The following TCF4 variants were observed in gnomAD, a reference collection of about 807,000 sequenced individuals.
TCF4 encodes transcription factor 4.
A neutral mutation model predicts 82.1 loss-of-function variants in TCF4; 3 were observed. The ratio of observed to expected loss-of-function variants is 0.04; its 90% CI spans 0.02 to 0.09. The LOEUF (loss-of-function observed/expected upper bound fraction) is 0.09, where lower values mean the gene tolerates loss of function less well. TCF4 is among the 10% of genes least tolerant of loss of function. TCF4 has a pLI of 1.00. For missense variants in TCF4, 518 were observed against 852.7 expected (o/e 0.61, Z 4.89); for synonymous variants, 276 against 309.6 (o/e 0.89, Z 1.14).
chr18:55,311,076 T>C (rs2072233971), intron 8 of TCF4, among the ~76,000 whole-genome samples: 1 of 150,856 alleles, frequency 6.6e-6, no homozygotes, highest in Admixed American at 6.6e-5. Context: ...TGGTAAAACG[T>C]AGAAATACCT....
chr18:55,629,639 T>C (rs1460912770), intron 2 of TCF4, among the ~76,000 whole-genome samples: 9 of 152,110 alleles, frequency 5.9e-5, no homozygotes, highest in South Asian at 2.1e-4. Flanking sequence ...ATTCTAACAG[T>C]TGGACAAGGT....
intron 7 of TCF4, among the ~76,000 whole-genome samples, 173 bp from the exon 8 acceptor site, chr18:55,350,581 A>G (rs2082126013): frequency 6.6e-6 from 1 of 152,176 alleles, no homozygotes; most frequent in Non-Finnish European, 1.5e-5. Flanking sequence ...TGCTTTGTTC[A>G]TAAAAATGAA....
intron 2 of TCF4, among the ~76,000 whole-genome samples, chr18:55,625,854 G>C (rs898313511): frequency 2.0e-5 from 3 of 151,860 alleles, no homozygotes; most frequent in Non-Finnish European, 4.4e-5. Context: ...ACGATTTCTC[G>C]TTCCACCTTC....
chr18:55,275,387 G>C (rs1454369916), intron 10 of TCF4, among the ~76,000 whole-genome samples: 2 of 151,256 alleles, frequency 1.3e-5, no homozygotes, highest in East Asian at 1.9e-4. Context: ...AGAAGGCACA[G>C]AGCAAAACAC....
intron 15 of TCF4, among the ~76,000 whole-genome samples, chr18:55,245,094 T>C (rs2052614078): frequency 6.6e-6 from 1 of 152,242 alleles, no homozygotes; most frequent in South Asian, 2.1e-4. Context: ...ACTGTGAATG[T>C]CAACCAAATA....
chr18:55,223,499 C>G lies in TCF4; in HGVS notation c.*4536G>C, dbSNP rs2046144759. ...TGCTACAGAACGGTCATGTACATGA[C>G]TTCATCGAATAACTACAGATGGGAA... On this transcript the variant is annotated 3_prime_UTR_variant, in exon 20 of 20. Transcript: ENST00000354452. 1 of 152,536 alleles carries G rather than the reference C, an allele frequency of 6.6e-6. No homozygotes were observed. Among genetic ancestry groups the G allele is most frequent in the Non-Finnish European group, 1.5e-5 (1 of 68,016 alleles). The allele number at this position is 152,536 out of a possible 1,614,324, so 9.4% of individuals were successfully genotyped here.
intron 5 of TCF4, among the ~76,000 whole-genome samples, chr18:55,424,463 C>T (rs28621717): frequency 6.6e-6 from 1 of 152,186 alleles, no homozygotes; most frequent in Non-Finnish European, 1.5e-5. Flanking sequence ...TAGGGACAGG[C>T]TCCCTGCTTT....
chr18:55,516,592 A>G (rs1057449799), intron 3 of TCF4, among the ~76,000 whole-genome samples: 1 of 152,182 alleles, frequency 6.6e-6, no homozygotes. Flanking sequence ...GGTGAGCATT[A>G]GAAGAGGAAA....
intron 8 of TCF4, among the ~76,000 whole-genome samples, chr18:55,282,190 T>C (rs2062754090): frequency 6.6e-6 from 1 of 151,958 alleles, no homozygotes; most frequent in Non-Finnish European, 1.5e-5. Context: ...TATAAATAAA[T>C]AAATATCACA....
chr18:55,458,021 T>A (rs1187371707), intron 5 of TCF4, among the ~76,000 whole-genome samples: 1 of 152,082 alleles, frequency 6.6e-6, no homozygotes, highest in Non-Finnish European at 1.5e-5. Context: ...TTTTTCTTTC[T>A]TTGCAATAAA....
At chr18:55,622,772 T>C (rs915667179) in intron 2 of TCF4, among the ~76,000 whole-genome samples, 1 of 152,144 alleles carries the variant, frequency 6.6e-6, no homozygotes, top group African/African-American at 2.4e-5. Context: ...TCTCTAGGCC[T>C]CTTTCAGTTC....
intron 2 of TCF4, among the ~76,000 whole-genome samples, chr18:55,618,565 T>A (rs1385106062): frequency 6.6e-6 from 1 of 151,952 alleles, no homozygotes; most frequent in Non-Finnish European, 1.5e-5. Context: ...TTTTCTACAA[T>A]TTTTCTTTTC....
At chr18:55,236,458 T>C (rs1368725454) in intron 15 of TCF4, among the ~76,000 whole-genome samples, 1 of 151,910 alleles carries the variant, frequency 6.6e-6, no homozygotes, top group East Asian at 1.9e-4. Context: ...ACAAACCTTT[T>C]TTTTTTTTTA....
intron 8 of TCF4, among the ~76,000 whole-genome samples, chr18:55,303,209 A>G (rs2068868825): frequency 6.8e-6 from 1 of 146,694 alleles, no homozygotes; most frequent in Admixed American, 7.0e-5. Flanking sequence ...CCTACTTCCA[A>G]CCTGGCTCCC....
chr18:55,588,763 C>T, upstream of TCF4: 1 of 1,181,834 alleles, frequency 8.5e-7, no homozygotes, highest in East Asian at 3.2e-5. Flanking sequence ...GGTAGTTTTG[C>T]GTTGGGGGCG....
chr18:55,332,176 T>C (rs1307813853), intron 8 of TCF4: 1 of 152,170 alleles, frequency 6.6e-6, no homozygotes, highest in Non-Finnish European at 1.5e-5. Context: ...GACACCATAT[T>C]CTATGGTTAA....
intron 3 of TCF4, among the ~76,000 whole-genome samples, chr18:55,579,929 T>A (rs768350331): frequency 6.6e-6 from 1 of 152,084 alleles, no homozygotes; most frequent in African/African-American, 2.4e-5. Flanking sequence ...TTCTAAGCAT[T>A]TAAGACAGAT....
intron 3 of TCF4, among the ~76,000 whole-genome samples, chr18:55,506,016 T>C (rs922133136): frequency 2.0e-5 from 3 of 152,164 alleles, no homozygotes; most frequent in Non-Finnish European, 2.9e-5. Context: ...ACTTGTTCAC[T>C]GTGAAACCTC....
At chr18:55,460,231 G>A (rs2095846891) in intron 5 of TCF4, among the ~76,000 whole-genome samples, 12 of 151,948 alleles carry the variant, frequency 7.9e-5, no homozygotes, top group Admixed American at 7.2e-4. Context: ...ATATTGTTAA[G>A]AACTCATGTT....
Sources: gnomAD v4.1 joint callset for allele counts (sites outside exome capture counted in the v4.1 genomes callset) on GRCh38, gnomAD v4.1.1 for gene constraint, MANE v1.5 for transcripts, NCBI Gene and HGNC (gene_info 2026-07-23, HGNC 2026-07-21) for gene names.